The following CPEB1 variants were observed in gnomAD, a reference collection of about 807,000 sequenced individuals.
The protein encoded by CPEB1 is cytoplasmic polyadenylation element-binding protein 1.
A neutral mutation model predicts 65.8 loss-of-function variants in CPEB1; 7 were observed. The observed-to-expected ratio is 0.11, with a 90% CI of 0.06 to 0.20. The LOEUF is 0.20. Ranked by LOEUF, CPEB1 falls within the 10% of genes least tolerant of loss-of-function variation. The probability of loss-of-function intolerance (pLI) is 1.00; values close to 1 mark genes in which losing one functional copy is unlikely to be tolerated. For synonymous variants in CPEB1, 262 were observed against 260.0 expected (o/e 1.01, Z -0.08); for missense variants, 551 against 712.2 (o/e 0.77, Z 2.58).
In CPEB1 at chr15:82,571,410, T is replaced by C; in HGVS notation, c.394A>G (p.Thr132Ala). Residue 132 changes from threonine to alanine, a missense_variant, in exon 4 of 13, where the codon ACA becomes GCA. Physicochemically the swap from Thr to Ala is moderately conservative, Grantham distance 58 (BLOSUM62 0). Transcript: ENST00000684509. ...LCLGLQSLSL[T>A]GWDRPWSTQD... Reference sequence around the variant, plus strand: ...GTGCTCCAGGGTCGGTCCCAGCCTGTCAGACTGAGGGACTGCAGGCCAAGG... The same window carrying C: ...GTGCTCCAGGGTCGGTCCCAGCCTGCCAGACTGAGGGACTGCAGGCCAAGG... 6.2e-7 allele frequency: 1 copy of C among 1,614,118 alleles called. No individual in the cohort carries two copies. Among genetic ancestry groups the C allele is most frequent in the Non-Finnish European group, 8.5e-7 (1 of 1,180,006 alleles).
intron 3 of CPEB1, among the ~76,000 whole-genome samples, chr15:82,577,857 T>C (rs892808754): frequency 6.6e-6 from 1 of 151,516 alleles, no homozygotes; most frequent in African/African-American, 2.4e-5. Flanking sequence ...AAAGCTATAT[T>C]GGGCCAGGCA....
At chr15:82,641,518 A>G (rs2047115804) in intron 1 of CPEB1, 1 of 152,210 alleles carries the variant, frequency 6.6e-6, no homozygotes, top group South Asian at 2.1e-4. Context: ...ATAAAGCAGC[A>G]TATTATGCTG....
intron 10 of CPEB1, 34 bp from the exon 11 acceptor site, chr15:82,547,271 A>C (rs750233563): frequency 1.8e-6 from 2 of 1,130,758 alleles, no homozygotes; most frequent in Non-Finnish European, 2.6e-6. Context: ...CCTTCTAACC[A>C]AATTCTCCCA....
rs56078202 is a variant in CPEB1 at position 82,606,817 on chromosome 15, C to CA, written c.271+20375dup. Among the ~76,000 whole-genome samples the CA allele has an allele frequency of 3.1e-3, 255 of 82,900 alleles. 9 individuals carry two copies. The highest frequency in any genetic ancestry group is 8.9e-3 in the East Asian group (27 of 3,020). The allele number at this position is 82,900 out of a possible 152,430, so 54.4% of individuals were successfully genotyped here. ...TGGGCGACAGAGCGAGACTCCGTCTCAAAAAAAAAAAAAAAAAAATACATA... is the reference window on the plus strand; with the variant it reads ...TGGGCGACAGAGCGAGACTCCGTCTCAAAAAAAAAAAAAAAAAAAATACATA... On this transcript the variant is annotated intron_variant, in intron 3 of 12. Transcript: ENST00000684509.
chr15:82,609,326 C>A (rs779684165), intron 3 of CPEB1, among the ~76,000 whole-genome samples: 3 of 151,878 alleles, frequency 2.0e-5, no homozygotes. Context: ...TAGTGAGAGA[C>A]CCTGCCTCTA....
chr15:82,603,489 A>G (rs1398980235), intron 3 of CPEB1, among the ~76,000 whole-genome samples: 1 of 150,398 alleles, frequency 6.6e-6, no homozygotes, highest in Non-Finnish European at 1.5e-5. Flanking sequence ...GAGGCTTTAT[A>G]AAAAACTCAA....
intron 3 of CPEB1, among the ~76,000 whole-genome samples, chr15:82,601,766 C>T (rs2043138439): frequency 6.6e-6 from 1 of 151,456 alleles, no homozygotes; most frequent in Admixed American, 6.6e-5. Context: ...AAGGCAAAAA[C>T]ATGAGAAAGA....
intron 5 of CPEB1, among the ~76,000 whole-genome samples, chr15:82,556,721 T>C (rs868783896): frequency 6.6e-6 from 1 of 152,220 alleles, no homozygotes; most frequent in African/African-American, 2.4e-5. Context: ...CTAAGTAATA[T>C]AGACAGAACT....
At chr15:82,582,235 C>A (rs977827724) in intron 3 of CPEB1, among the ~76,000 whole-genome samples, 9 of 152,300 alleles carry the variant, frequency 5.9e-5, no homozygotes, top group African/African-American at 2.2e-4. Context: ...CCACATTTTA[C>A]TAAAGTAAGT....
intron 4 of CPEB1, among the ~76,000 whole-genome samples, chr15:82,568,574 T>C (rs1161829627): frequency 6.6e-6 from 1 of 152,184 alleles, no homozygotes; most frequent in Non-Finnish European, 1.5e-5. Flanking sequence ...CAGGGTCTTC[T>C]TGCAGGACTC....
chr15:82,622,150 G>C (rs772970157), intron 3 of CPEB1, among the ~76,000 whole-genome samples: 33 of 152,068 alleles, frequency 2.2e-4, no homozygotes, highest in Non-Finnish European at 3.7e-4. Flanking sequence ...AAAGGACTAG[G>C]GAATGTGGAG....
At chr15:82,643,561 G>A (rs1244467869) in intron 1 of CPEB1, among the ~76,000 whole-genome samples, 9 of 152,106 alleles carry the variant, frequency 5.9e-5, no homozygotes, top group African/African-American at 9.6e-5. Context: ...CCCCAGAGGC[G>A]GAGGTTGCAG....
intron 1 of CPEB1, among the ~76,000 whole-genome samples, chr15:82,636,312 T>C (rs1267190699): frequency 1.3e-5 from 2 of 152,192 alleles, no homozygotes; most frequent in Non-Finnish European, 2.9e-5. Flanking sequence ...CCCAAATTAA[T>C]GCCTTCATAG....
chr15:82,615,888 A>T (rs2044662333), intron 3 of CPEB1, among the ~76,000 whole-genome samples: 1 of 152,154 alleles, frequency 6.6e-6, no homozygotes, highest in African/African-American at 2.4e-5. Flanking sequence ...TTAAACAAGG[A>T]TGTTCACCAA....
chr15:82,580,499 G>GCA, intron 3 of CPEB1, among the ~76,000 whole-genome samples: 1 of 152,108 alleles, frequency 6.6e-6, no homozygotes, highest in South Asian at 2.1e-4. Flanking sequence ...GGGGTACCCT[G>GCA]TACTAAAAAT....
At chr15:82,573,184 C>A (rs1466989883) in intron 3 of CPEB1, 1 of 1,530,812 alleles carries the variant, frequency 6.5e-7, no homozygotes, top group South Asian at 1.2e-5. Flanking sequence ...TGTCCACAGG[C>A]ACTCAGGCAT....
chr15:82,584,680 A>G (rs1029282593), intron 3 of CPEB1, among the ~76,000 whole-genome samples: 2 of 148,862 alleles, frequency 1.3e-5, no homozygotes, highest in Non-Finnish European at 3.0e-5. Flanking sequence ...ACTCCATCAA[A>G]AAAAAAAAAA....
chr15:82,586,974 G>GA (rs1366106653), intron 3 of CPEB1, among the ~76,000 whole-genome samples: 1 of 152,094 alleles, frequency 6.6e-6, no homozygotes, highest in Non-Finnish European at 1.5e-5. Flanking sequence ...AACAGAGAAG[G>GA]AATTGCAATT....
In CPEB1 at chr15:82,584,258, CAAAAAAAAAAAAAAA is replaced by C. The variant is rs71156038; in HGVS notation, c.272-12741_272-12727del. Among the ~76,000 whole-genome samples, 8 of 53,290 alleles carry C rather than the reference CAAAAAAAAAAAAAAA, an allele frequency of 1.5e-4. 1 individual carries two copies. In the Admixed American group the frequency reaches 2.1e-3, roughly 14 times the overall value. 35.0% of individuals were successfully genotyped at this position (53,290 alleles called of 152,430 possible). The stretch of plus-strand genomic sequence containing the variant: ...TGGGTGACACAGCGAGACTCCGTCT[CAAAAAAAAAAAAAAA>C]AAAAAAAAAAGCTACGTTTCAGTTA... On this transcript the variant is annotated intron_variant, in intron 3 of 12. Coordinates refer to ENST00000684509, the MANE Select transcript of CPEB1 (RefSeq NM_001365242.1).
Sources: allele counts gnomAD v4.1 joint callset (sites outside exome capture counted in the v4.1 genomes callset), GRCh38; gene constraint gnomAD v4.1.1; transcripts MANE v1.5; gene names NCBI Gene and HGNC (gene_info 2026-07-23, HGNC 2026-07-21).